CDH4: variants seen among roughly 807,000 people sequenced by gnomAD.
The protein encoded by CDH4 is cadherin 4, also known as cadherin-4.
In CDH4, 33 loss-of-function variants were observed where a neutral mutation model predicts 86.0. The observed-to-expected ratio is 0.38, with a 90% CI of 0.29 to 0.51. CDH4 has a LOEUF of 0.51. Among genes scored for constraint, CDH4 ranks in the 20% least tolerant of loss-of-function variants. CDH4 has a pLI of 0.86. For synonymous variants in CDH4, 555 were observed against 549.4 expected (o/e 1.01, Z -0.14); for missense variants, 1,114 against 1,307.4 (o/e 0.85, Z 2.28).
rs544804746 is a variant in CDH4, at chr20:61,527,140, C to T, written c.170-216423C>T. ...AAAGTGAACAGATTGTCAGCCTACC[C>T]CTCTGCACTTTGACAAGAGAATCAC... On this transcript the variant is annotated intron_variant, in intron 2 of 15. Coordinates refer to ENST00000614565, the MANE Select transcript of CDH4 (RefSeq NM_001794.5). 2.6e-5 allele frequency among the ~76,000 whole-genome samples: 4 copies of T among 152,368 alleles called. No individual in the cohort carries two copies. The South Asian group carries it at 8.3e-4, about 32-fold the overall frequency.
intron 4 of CDH4, among the ~76,000 whole-genome samples, chr20:61,839,478 ATGTG>A (rs566315023): frequency 2.1e-5 from 3 of 144,276 alleles, no homozygotes; most frequent in South Asian, 4.5e-4. Context: ...GTGCATGTGT[ATGTG>A]TGTTTGTGTA....
chr20:61,693,409 A>T (rs1337731092), intron 2 of CDH4, among the ~76,000 whole-genome samples: 1 of 152,152 alleles, frequency 6.6e-6, no homozygotes, highest in Non-Finnish European at 1.5e-5. Context: ...CTTCTGATGA[A>T]ACTGCATAGG....
chr20:61,810,922 T>C lies in CDH4; in HGVS notation c.577-33746T>C, dbSNP rs559052025. Among the ~76,000 whole-genome samples, 42 of 152,262 alleles carry C rather than the reference T, an allele frequency of 2.8e-4. No individual in the cohort carries two copies. The highest frequency in any genetic ancestry group is 9.4e-4 in the African/African-American group (39 of 41,554). On this transcript the variant is annotated intron_variant, in intron 4 of 15. Transcript: ENST00000614565. The surrounding 1 kb of genome is among the most constrained non-coding windows in gnomAD (Gnocchi z 4.3). ...CTCCAGGAAGCTTCGAGACGGGGGCTGCAGGAGCCTGCAGAGCCTGCGTTA... is the reference window on the plus strand; with the variant it reads ...CTCCAGGAAGCTTCGAGACGGGGGCCGCAGGAGCCTGCAGAGCCTGCGTTA...
intron 2 of CDH4, among the ~76,000 whole-genome samples, chr20:61,298,813 CTTT>C (rs11479514): frequency 6.7e-6 from 1 of 149,398 alleles, no homozygotes; most frequent in Non-Finnish European, 1.5e-5. Context: ...TGGTGAGAGT[CTTT>C]TTTTTTTTCA....
intron 2 of CDH4, among the ~76,000 whole-genome samples, chr20:61,589,948 G>C (rs926625146): frequency 2.0e-5 from 3 of 151,998 alleles, no homozygotes; most frequent in African/African-American, 7.2e-5. Context: ...CCTTGAGAGG[G>C]GGCGGCCAGG....
At chr20:61,270,883 TG>T (rs2084179863) in intron 2 of CDH4, among the ~76,000 whole-genome samples, 1 of 151,992 alleles carries the variant, frequency 6.6e-6, no homozygotes, top group Admixed American at 6.6e-5. Flanking sequence ...TCCTCTGGGG[TG>T]TTTTTGGGTT....
At chr20:61,613,009 C>T (rs551403773) in intron 2 of CDH4, among the ~76,000 whole-genome samples, 11 of 152,146 alleles carry the variant, frequency 7.2e-5, no homozygotes, top group African/African-American at 2.4e-4. Context: ...CCAGGAGGGC[C>T]GATAAAGGTG....
At chr20:61,548,984 G>T (rs557993437) in intron 2 of CDH4, among the ~76,000 whole-genome samples, 4 of 151,740 alleles carry the variant, frequency 2.6e-5, no homozygotes, top group African/African-American at 9.7e-5. Flanking sequence ...TTCGGGTCTC[G>T]GGGGGAGAGG....
At chr20:61,541,757 C>A (rs1028037255) in intron 2 of CDH4, among the ~76,000 whole-genome samples, 1 of 152,192 alleles carries the variant, frequency 6.6e-6, no homozygotes, top group Non-Finnish European at 1.5e-5. Context: ...AGCCTCTCCC[C>A]GTGGGTCCAT....
chr20:61,805,970 G>A (rs1005569407), intron 4 of CDH4, among the ~76,000 whole-genome samples: 7 of 152,214 alleles, frequency 4.6e-5, no homozygotes, highest in Admixed American at 6.5e-5. Context: ...GGAAAGCTAC[G>A]CAGGCCCGCT....
intron 9 of CDH4, among the ~76,000 whole-genome samples, chr20:61,917,805 C>G (rs1311673150): frequency 1.3e-5 from 2 of 152,262 alleles, no homozygotes; most frequent in African/African-American, 4.8e-5. Flanking sequence ...AGCAAATTAC[C>G]TATTGATTTC....
intron 2 of CDH4, among the ~76,000 whole-genome samples, chr20:61,693,077 C>T (rs2087677026): frequency 6.6e-6 from 1 of 152,154 alleles, no homozygotes; most frequent in Non-Finnish European, 1.5e-5. Flanking sequence ...TACGGGGACT[C>T]TGTTAACTGA....
rs932580367 is a variant in CDH4, at chr20:61,501,508, T to C, written c.170-242055T>C. ...TAGCTGGAACGAGGCCTGGCTGAGA[T>C]TCAGGAGACGGCTGCTGCCGTCTCT... is the stretch of plus-strand genomic sequence containing the variant. On this transcript the variant is annotated intron_variant, in intron 2 of 15. Transcript: ENST00000614565. This position sits in a 1 kb window ranked among gnomAD's most constrained non-coding sequence, Gnocchi z 4.2. Among the ~76,000 whole-genome samples the C allele has an allele frequency of 6.6e-6, 1 of 152,150 alleles. No homozygotes were observed. Among genetic ancestry groups the C allele is most frequent in the African/African-American group, 2.4e-5 (1 of 41,448 alleles).
chr20:61,605,553 C>T (rs748453069), intron 2 of CDH4, among the ~76,000 whole-genome samples: 5 of 151,766 alleles, frequency 3.3e-5, no homozygotes, highest in African/African-American at 4.8e-5. Context: ...GTCTCTGTCT[C>T]CCTGTTTCTC....
chr20:61,408,956 A>T (rs144052250), intron 2 of CDH4, among the ~76,000 whole-genome samples: 147 of 152,066 alleles, frequency 9.7e-4, no homozygotes, highest in African/African-American at 3.1e-3. Context: ...GGAGACACTG[A>T]CTCTGCACAG....
In CDH4 at chr20:61,610,029, A is replaced by G. The variant is rs113616335; in HGVS notation, c.170-133534A>G. Among the ~76,000 whole-genome samples, 927 of 152,320 alleles carry G rather than the reference A, an allele frequency of 6.1e-3. 4 individuals are homozygous for G. Among genetic ancestry groups the G allele is most frequent in the Middle Eastern group, 0.024 (7 of 294 alleles). ...ATTCCTTCTGGCAATTTTGAAACAT[A>G]CAAAAAATGATGGTTAACTATAGTA... On this transcript the variant is annotated intron_variant, in intron 2 of 15. Coordinates refer to ENST00000614565, the MANE Select transcript of CDH4 (RefSeq NM_001794.5).
chr20:61,852,997 G>A, intron 6 of CDH4, 99 bp downstream of exon 6: 22 of 1,296,448 alleles, frequency 1.7e-5, no homozygotes, highest in Non-Finnish European at 2.4e-5. Context: ...CCCGCTACCA[G>A]GATGGTGCCA....
chr20:61,620,211 CA>C (rs1555814993), intron 2 of CDH4, among the ~76,000 whole-genome samples: 88 of 68,538 alleles, frequency 1.3e-3, no homozygotes, highest in East Asian at 1.7e-3. Flanking sequence ...GATGGACAGA[CA>C]GGCAGGCTGG....
chr20:61,850,438 C>T (rs537000554), intron 5 of CDH4, among the ~76,000 whole-genome samples: 1 of 152,322 alleles, frequency 6.6e-6, no homozygotes, highest in East Asian at 1.9e-4. Flanking sequence ...CAGTTCCATA[C>T]GCCTTGGAGG....
Sources: allele counts gnomAD v4.1 joint callset (sites outside exome capture counted in the v4.1 genomes callset), GRCh38; gene constraint gnomAD v4.1.1; non-coding constraint Gnocchi (gnomAD v3.1); transcripts MANE v1.5; gene names NCBI Gene and HGNC (gene_info 2026-07-23, HGNC 2026-07-21).